The following SCAMP1 variants were observed in gnomAD, a reference collection of about 807,000 sequenced individuals.
SCAMP1 encodes the protein secretory carrier membrane protein 1.
SCAMP1 carries 15 observed loss-of-function variants against 41.8 expected under a neutral mutation model. The observed-to-expected ratio is 0.36, with a 90% CI of 0.24 to 0.55. SCAMP1 has a LOEUF of 0.55. SCAMP1 is among the 20% of genes least tolerant of loss of function. The probability of loss-of-function intolerance (pLI) is 0.86; values close to 1 mark genes in which losing one functional copy is unlikely to be tolerated. For missense variants in SCAMP1, 341 were observed against 412.6 expected (o/e 0.83, Z 1.50); for synonymous variants, 135 against 136.8 (o/e 0.99, Z 0.09).
chr5:78,388,697 A>C, intron 1 of SCAMP1, 140 bp from the exon 2 acceptor site: 1 of 495,008 alleles, frequency 2.0e-6, no homozygotes. Flanking sequence ...GAGACAGTAA[A>C]TCTGAGAGCC....
chr5:78,437,357 A>G (rs1174043425), intron 6 of SCAMP1, among the ~76,000 whole-genome samples: 2 of 152,192 alleles, frequency 1.3e-5, no homozygotes, highest in Non-Finnish European at 2.9e-5. Context: ...GTTTGTCATA[A>G]ATAGCTTTTA....
chr5:78,398,264 CATT>C (rs1314148967), intron 2 of SCAMP1, among the ~76,000 whole-genome samples: 1 of 151,130 alleles, frequency 6.6e-6, no homozygotes, highest in Admixed American at 6.6e-5. Context: ...ACCTTGAAAA[CATT>C]ATGCCTTCAC....
intron 1 of SCAMP1, among the ~76,000 whole-genome samples, chr5:78,361,219 G>A (rs1750640770): frequency 6.8e-6 from 1 of 147,660 alleles, no homozygotes; most frequent in Admixed American, 6.9e-5. Context: ...TGAGGGCACC[G>A]AGTATGCTGC....
chr5:78,418,640 A>G, intron 4 of SCAMP1, 135 bp from the exon 5 acceptor site: 4 of 619,244 alleles, frequency 6.5e-6, no homozygotes, highest in Non-Finnish European at 1.1e-5. Context: ...AGTTCTAGGA[A>G]TACAAAGATA....
At chr5:78,404,286 G>A (rs1168020304) in intron 2 of SCAMP1, among the ~76,000 whole-genome samples, 3 of 151,766 alleles carry the variant, frequency 2.0e-5, no homozygotes, top group Admixed American at 2.0e-4. Context: ...CAGGTGGATG[G>A]GACTACAGGC....
chr5:78,409,391 A>C (rs1036431961), intron 2 of SCAMP1, among the ~76,000 whole-genome samples: 1 of 148,082 alleles, frequency 6.8e-6, no homozygotes, highest in Non-Finnish European at 1.5e-5. Context: ...ATATTTATAT[A>C]TATATAGATA....
At chr5:78,365,514 C>T (rs1240493111) in intron 1 of SCAMP1, among the ~76,000 whole-genome samples, 1 of 145,178 alleles carries the variant, frequency 6.9e-6, no homozygotes, top group East Asian at 2.1e-4. Flanking sequence ...GTTTAATAAT[C>T]TCTATATGCT....
intron 1 of SCAMP1, among the ~76,000 whole-genome samples, chr5:78,374,310 T>C (rs905780907): frequency 5.9e-5 from 9 of 152,104 alleles, no homozygotes; most frequent in Non-Finnish European, 1.3e-4. Flanking sequence ...GGCATATGTG[T>C]TGTTATACTT....
chr5:78,465,959 T>A (rs1753735849), intron 8 of SCAMP1, among the ~76,000 whole-genome samples: 1 of 152,242 alleles, frequency 6.6e-6, no homozygotes, highest in Non-Finnish European at 1.5e-5. Context: ...CAGATGCCGA[T>A]TACATCTACA....
At chr5:78,451,889 G>A (rs557033469) in intron 7 of SCAMP1, among the ~76,000 whole-genome samples, 2 of 152,290 alleles carry the variant, frequency 1.3e-5, no homozygotes, top group African/African-American at 4.8e-5. Context: ...TCCTGGCCTC[G>A]TGTGATCTGC....
intron 8 of SCAMP1, among the ~76,000 whole-genome samples, chr5:78,472,419 A>T (rs1428863): frequency 0.72 from 107,338 of 148,800 alleles, 38,853 homozygotes; most frequent in Middle Eastern, 0.77. Context: ...GTAATTTTTT[A>T]AAAAAAATTA....
intron 1 of SCAMP1, among the ~76,000 whole-genome samples, chr5:78,364,658 T>G (rs908036819): frequency 1.3e-5 from 2 of 151,944 alleles, no homozygotes; most frequent in African/African-American, 4.8e-5. Flanking sequence ...GAGGTTAGAG[T>G]TGAGGGGAGG....
At chr5:78,387,054 A>T (rs1291899508) in intron 1 of SCAMP1, among the ~76,000 whole-genome samples, 1 of 152,190 alleles carries the variant, frequency 6.6e-6, no homozygotes, top group Non-Finnish European at 1.5e-5. Context: ...TATGTTTTCC[A>T]AACTTTTAGA....
intron 2 of SCAMP1, among the ~76,000 whole-genome samples, chr5:78,396,268 T>A (rs1045541641): frequency 6.6e-6 from 1 of 152,158 alleles, no homozygotes. Flanking sequence ...TGATGATGTG[T>A]CAGTGAAGGT....
chr5:78,452,612 A>G (rs1442560729), intron 7 of SCAMP1, among the ~76,000 whole-genome samples: 2 of 150,616 alleles, frequency 1.3e-5, no homozygotes, highest in African/African-American at 4.9e-5. Context: ...GGTTGGTTCC[A>G]AGTCTTTGCC....
At chr5:78,453,239 T>G (rs1394893041) in intron 7 of SCAMP1, among the ~76,000 whole-genome samples, 1 of 151,508 alleles carries the variant, frequency 6.6e-6, no homozygotes, top group Admixed American at 6.6e-5. Flanking sequence ...CTTTTGGTGT[T>G]TTGGACATGA....
At chr5:78,459,037 A>G (rs906554339) in intron 7 of SCAMP1, among the ~76,000 whole-genome samples, 7 of 152,344 alleles carry the variant, frequency 4.6e-5, no homozygotes, top group Admixed American at 2.6e-4. Flanking sequence ...CGGGCAGATT[A>G]CTGAATGTCT....
chr5:78,450,932 T>A (rs1266350710), intron 7 of SCAMP1, among the ~76,000 whole-genome samples: 1 of 152,236 alleles, frequency 6.6e-6, no homozygotes, highest in African/African-American at 2.4e-5. Flanking sequence ...TATATAGATA[T>A]TTAAAATCAG....
intron 5 of SCAMP1, among the ~76,000 whole-genome samples, chr5:78,419,823 A>C (rs1752297133): frequency 6.6e-6 from 1 of 152,200 alleles, no homozygotes; most frequent in African/African-American, 2.4e-5. Context: ...TTGTTTTGGA[A>C]TGTGAGAAGT....
Sources: allele counts gnomAD v4.1 joint callset (sites outside exome capture counted in the v4.1 genomes callset), GRCh38; gene constraint gnomAD v4.1.1; transcripts MANE v1.5; gene names NCBI Gene and HGNC (gene_info 2026-07-23, HGNC 2026-07-21).